The following XKR4 variants were observed in gnomAD, a reference collection of about 807,000 sequenced individuals.
The protein encoded by XKR4 is XK-related protein 4.
A neutral mutation model predicts 53.9 loss-of-function variants in XKR4; 12 were observed. That is an observed-to-expected ratio of 0.22 (90% CI 0.14 to 0.36). XKR4 has a LOEUF of 0.36. Among genes scored for constraint, XKR4 ranks in the 10% least tolerant of loss-of-function variants. The pLI is 1.00. For missense variants in XKR4, 799 were observed against 859.5 expected (o/e 0.93, Z 0.88); for synonymous variants, 354 against 362.4 (o/e 0.98, Z 0.26).
intron 1 of XKR4, among the ~76,000 whole-genome samples, chr8:55,131,757 T>TC (rs1188313163): frequency 6.6e-6 from 1 of 151,678 alleles, no homozygotes; most frequent in Non-Finnish European, 1.5e-5. Context: ...TCTTTTCTTT[T>TC]TTTTTTGAGA....
At chr8:55,369,610 T>C (rs990124894) in intron 2 of XKR4, among the ~76,000 whole-genome samples, 21 of 151,870 alleles carry the variant, frequency 1.4e-4, no homozygotes, top group African/African-American at 4.4e-4. Flanking sequence ...ATCTTGCCCC[T>C]AAGAAATAAT....
chr8:55,526,723 C>A lies in XKR4; in HGVS notation c.*2496C>A, dbSNP rs528007382. On this transcript the variant is annotated 3_prime_UTR_variant, in exon 3 of 3. Transcript: ENST00000327381. ...ATAGAGTCAATCAATCAACACAAAC[C>A]CAACAGGCCCCATCATGCTTCAATC... 1 of 152,230 alleles carries A rather than the reference C, an allele frequency of 6.6e-6. No individual in the cohort carries two copies. The highest frequency in any genetic ancestry group is 2.4e-5 in the African/African-American group (1 of 41,534). The allele number at this position is 152,230 out of a possible 1,614,324, so 9.4% of individuals were successfully genotyped here. A position where few individuals can be genotyped will look rare whatever the true frequency, so the allele number is the denominator to read the frequency against.
chr8:55,139,753 G>GA (rs1207121471), intron 1 of XKR4, among the ~76,000 whole-genome samples: 1 of 152,006 alleles, frequency 6.6e-6, no homozygotes, highest in Admixed American at 6.5e-5. Flanking sequence ...TGCAAAATGG[G>GA]AGTAATGATG....
intron 2 of XKR4, among the ~76,000 whole-genome samples, chr8:55,409,419 C>A (rs924513953): frequency 2.0e-5 from 3 of 152,142 alleles, no homozygotes; most frequent in Admixed American, 6.5e-5. Context: ...AATTATTTAA[C>A]CAGAGTGAGC....
At chr8:55,444,228 TA>T (rs1358615440) in intron 2 of XKR4, among the ~76,000 whole-genome samples, 1 of 152,052 alleles carries the variant, frequency 6.6e-6, no homozygotes, top group Admixed American at 6.6e-5. Flanking sequence ...AAAACAAAAG[TA>T]ATTTCAGATG....
chr8:55,417,383 T>G (rs1804866421), intron 2 of XKR4, among the ~76,000 whole-genome samples: 1 of 152,226 alleles, frequency 6.6e-6, no homozygotes, highest in South Asian at 2.1e-4. Context: ...TTCACACAAG[T>G]CTATTCAAAA....
chr8:55,247,946 C>T (rs1236844935), intron 1 of XKR4, among the ~76,000 whole-genome samples: 3 of 149,232 alleles, frequency 2.0e-5, no homozygotes, highest in Non-Finnish European at 4.5e-5. Flanking sequence ...ACCTCTGCCT[C>T]CCAGGTTCAA....
intron 1 of XKR4, among the ~76,000 whole-genome samples, chr8:55,162,848 T>A (rs1817005167): frequency 1.3e-5 from 2 of 152,234 alleles, no homozygotes; most frequent in African/African-American, 4.8e-5. Flanking sequence ...TATGCACATA[T>A]GAAATAGTTA....
At chr8:55,494,345 T>C (rs2976006) in intron 2 of XKR4, among the ~76,000 whole-genome samples, 152,356 of 152,356 alleles carry the variant, frequency 1, 76,178 homozygotes, top group Non-Finnish European at 1. Context: ...GTTCCCAGGT[T>C]TGGGCTCCCC....
rs182687685 is a variant in XKR4, at chr8:55,299,710, C to T, written c.807-57968C>T. On this transcript the variant is annotated intron_variant, in intron 1 of 2. Transcript: ENST00000327381. ...TATACAGAGTGAAGAACAGGAAGGG[C>T]CAGGGTGACAGCTGGAATTCTGTTG... 4.3e-3 allele frequency among the ~76,000 whole-genome samples: 656 copies of T among 152,080 alleles called. 4 individuals carry two copies. Among genetic ancestry groups the T allele is most frequent in the Middle Eastern group, 0.034 (10 of 294 alleles).
intron 1 of XKR4, among the ~76,000 whole-genome samples, chr8:55,304,809 G>T (rs1361433253): frequency 6.6e-6 from 1 of 152,010 alleles, no homozygotes; most frequent in African/African-American, 2.4e-5. Flanking sequence ...TCAGAGACTA[G>T]GATTGCAACC....
chr8:55,301,798 TGAG>T (rs1385910450), intron 1 of XKR4, among the ~76,000 whole-genome samples: 1 of 152,252 alleles, frequency 6.6e-6, no homozygotes, highest in Non-Finnish European at 1.5e-5. Flanking sequence ...TGTCTTCTTT[TGAG>T]AAGTGTCTGT....
In XKR4 at chr8:55,464,823, G is replaced by A. The variant is rs79195388; in HGVS notation, c.1007-58458G>A. Reference sequence around the variant, plus strand: ...CAAAATCAATGTACAAAAATCAAAAGCATTCTTATACACCAAAAACAGACA... The same window carrying A: ...CAAAATCAATGTACAAAAATCAAAAACATTCTTATACACCAAAAACAGACA... On this transcript the variant is annotated intron_variant, in intron 2 of 2. Coordinates refer to ENST00000327381, the MANE Select transcript of XKR4 (RefSeq NM_052898.2). Among the ~76,000 whole-genome samples the A allele has an allele frequency of 8.5e-5, 13 of 152,252 alleles. No individual in the cohort carries two copies. In the East Asian group the frequency reaches 1.5e-3, roughly 18 times the overall value.
chr8:55,359,586 G>C (rs893233590), intron 2 of XKR4, among the ~76,000 whole-genome samples: 2 of 152,178 alleles, frequency 1.3e-5, no homozygotes, highest in Admixed American at 6.5e-5. Flanking sequence ...GAACTCTCTA[G>C]AGGGAGAAAA....
At chr8:55,379,768 G>A (rs185202861) in intron 2 of XKR4, among the ~76,000 whole-genome samples, 4 of 152,314 alleles carry the variant, frequency 2.6e-5, no homozygotes, top group African/African-American at 9.6e-5. Flanking sequence ...CCGGAGCATA[G>A]GGTTCCAGGG....
chr8:55,296,044 G>T (rs1819096299), intron 1 of XKR4, among the ~76,000 whole-genome samples: 1 of 152,120 alleles, frequency 6.6e-6, no homozygotes, highest in African/African-American at 2.4e-5. Context: ...CAGAAGTTGG[G>T]ATCAATGGTC....
At chr8:55,428,384 A>T (rs1805049610) in intron 2 of XKR4, among the ~76,000 whole-genome samples, 1 of 152,138 alleles carries the variant, frequency 6.6e-6, no homozygotes, top group African/African-American at 2.4e-5. Context: ...TCTCTAGCCA[A>T]ATGACCAGGT....
At chr8:55,167,858 T>C (rs1024914928) in intron 1 of XKR4, among the ~76,000 whole-genome samples, 3 of 152,134 alleles carry the variant, frequency 2.0e-5, no homozygotes, top group African/African-American at 7.2e-5. Flanking sequence ...TGAACCAGCA[T>C]AGAAGCCAGA....
chr8:55,346,827 CTG>C (rs960649310), intron 1 of XKR4, among the ~76,000 whole-genome samples: 1 of 151,900 alleles, frequency 6.6e-6, no homozygotes, highest in Non-Finnish European at 1.5e-5. Context: ...AGATTTCACT[CTG>C]TATTTTTCAG....
Sources: gnomAD v4.1 joint callset for allele counts (sites outside exome capture counted in the v4.1 genomes callset) on GRCh38, gnomAD v4.1.1 for gene constraint, MANE v1.5 for transcripts, NCBI Gene and HGNC (gene_info 2026-07-23, HGNC 2026-07-21) for gene names.